TIMM23: variants seen among roughly 807,000 people sequenced by gnomAD.
The protein encoded by TIMM23 is translocase of inner mitochondrial membrane 23, also known as mitochondrial import inner membrane translocase subunit Tim23.
Under a neutral mutation model 30.7 loss-of-function variants are expected in TIMM23, and 19 were observed. That is an observed-to-expected ratio of 0.62 (90% CI 0.43 to 0.91). TIMM23 has a LOEUF of 0.91. TIMM23 is among the 40% of genes least tolerant of loss of function. The pLI is 0.00. For missense variants in TIMM23, 202 were observed against 269.2 expected, an observed-to-expected ratio of 0.75 and a Z score of 1.75; for synonymous variants, 78 against 98.5, an observed-to-expected ratio of 0.79 and a Z score of 1.23.
At chr10:45,977,882 T>G (rs1477066007) in intron 2 of TIMM23, among the ~76,000 whole-genome samples, 1 of 150,732 alleles carries the variant, frequency 6.6e-6, no homozygotes, top group Non-Finnish European at 1.5e-5. Flanking sequence ...AAAACAAAAA[T>G]TAGCCAGGCG....
At chr10:45,997,550 G>C (rs1020376978) in intron 6 of TIMM23, among the ~76,000 whole-genome samples, 55 of 152,268 alleles carry the variant, frequency 3.6e-4, no homozygotes, top group African/African-American at 1.2e-3. Context: ...CGTGGCTCAC[G>C]CCTGTAGTCT....
At chr10:45,973,628 T>C (rs1260673252) in intron 1 of TIMM23, among the ~76,000 whole-genome samples, 50 of 152,154 alleles carry the variant, frequency 3.3e-4, no homozygotes, top group African/African-American at 1.2e-3. Context: ...CAACACATGG[T>C]GTTTTGTTTC....
intron 2 of TIMM23, among the ~76,000 whole-genome samples, chr10:45,980,568 A>T (rs1468552494): frequency 4.6e-5 from 7 of 152,088 alleles, no homozygotes; most frequent in African/African-American, 1.7e-4. Context: ...TATTTTTAAC[A>T]TCCATAGTGT....
intron 6 of TIMM23, among the ~76,000 whole-genome samples, chr10:45,999,362 G>A (rs953971234): frequency 1.3e-5 from 2 of 152,090 alleles, no homozygotes; most frequent in Admixed American, 1.3e-4. Flanking sequence ...CGATAGTCGC[G>A]TACATTCTTT....
At chr10:45,993,244 C>CTTTGTTTTTTTTT (rs1838222164) in intron 6 of TIMM23, among the ~76,000 whole-genome samples, 1 of 72,062 alleles carries the variant, frequency 1.4e-5, no homozygotes, top group Non-Finnish European at 2.5e-5. Context: ...TCTACCATCA[C>CTTTGTTTTTTTTT]TTTTTTTTTT....
Position 45,975,565 on chromosome 10 carries a change from A to G in TIMM23, c.165+53A>G. On this transcript the variant is annotated intron_variant, in intron 2 of 6. Coordinates refer to ENST00000580018, the MANE Select transcript of TIMM23 (RefSeq NM_006327.4). ...GCATTATTTTACCATTTTAAAAAAA[A>G]CGCCAAGTGCTATGCTGACTTGAAC... is the stretch of plus-strand genomic sequence containing the variant. The G allele has an allele frequency of 1.9e-6, 3 of 1,610,440 alleles. No homozygotes were observed. In the South Asian group the frequency reaches 3.3e-5, roughly 18 times the overall value.
chr10:45,982,217 A>G (rs1837871937), intron 2 of TIMM23, among the ~76,000 whole-genome samples: 1 of 152,236 alleles, frequency 6.6e-6, no homozygotes, highest in Admixed American at 6.5e-5. Flanking sequence ...TTCTTCTCAT[A>G]GCTTTCAGTG....
Position 45,985,399 on chromosome 10 carries a change from A to T in TIMM23, c.361A>T (p.Thr121Ser). ...PRNVQILNMV[T>S]RQGALWANTL... ...CCCTGATAGGATTTTGAATATGGTG[A>T]CTAGGCAAGGGGCACTTTGGGCTAA... The change falls in exon 5 of 7, where the codon ACT (threonine) becomes TCT (serine). Residue 121 changes from threonine to serine, a missense_variant. Coordinates refer to ENST00000580018, the MANE Select transcript of TIMM23 (RefSeq NM_006327.4). 9 of 1,613,512 alleles carry T rather than the reference A, an allele frequency of 5.6e-6. No individual in the cohort carries two copies. Among genetic ancestry groups the T allele is most frequent in the South Asian group, 1.1e-5 (1 of 91,074 alleles).
At chr10:45,999,005 G>T in intron 6 of TIMM23, among the ~76,000 whole-genome samples, 1 of 151,938 alleles carries the variant, frequency 6.6e-6, no homozygotes, top group South Asian at 2.1e-4. Context: ...GCTAATTTGT[G>T]TATATTTAAT....
chr10:45,982,746 A>G (rs1220880203), intron 3 of TIMM23, 100 bp from the exon 4 acceptor site: 6 of 1,575,458 alleles, frequency 3.8e-6, no homozygotes, highest in Non-Finnish European at 5.2e-6. Flanking sequence ...TTTCTATTAA[A>G]TAAAAATGAA....
At chr10:45,975,593 T>C in intron 2 of TIMM23, 81 bp downstream of exon 2, 3 of 1,569,672 alleles carry the variant, frequency 1.9e-6, no homozygotes, top group South Asian at 1.1e-5. Flanking sequence ...ACTTGAACTA[T>C]GACATACACT....
At chr10:45,983,411 A>G (rs1484692147) in intron 4 of TIMM23, among the ~76,000 whole-genome samples, 4 of 152,262 alleles carry the variant, frequency 2.6e-5, no homozygotes, top group African/African-American at 9.6e-5. Flanking sequence ...TAAAATTTTT[A>G]GAATTAGAGT....
At chr10:45,996,223 A>G (rs1391749845) in intron 6 of TIMM23, among the ~76,000 whole-genome samples, 4 of 143,528 alleles carry the variant, frequency 2.8e-5, no homozygotes, top group Admixed American at 2.1e-4. Context: ...TTATCCGGGC[A>G]TGGTGGTGGG....
At chr10:45,976,847 A>G (rs1173324109) in intron 2 of TIMM23, among the ~76,000 whole-genome samples, 2 of 152,336 alleles carry the variant, frequency 1.3e-5, no homozygotes, top group African/African-American at 2.4e-5. Context: ...CTGTTTACAA[A>G]TGACATGATC....
rs1554915956 is a variant in TIMM23 at position 45,992,455 on chromosome 10, T to C, written c.514+3608T>C. The stretch of plus-strand genomic sequence containing the variant: ...ACATCTCAATATGCGTAGACTCTCC[T>C]TAGGAGAATTGTGAAACTTAACTCT... On this transcript the variant is annotated intron_variant, in intron 6 of 6. Coordinates refer to ENST00000580018, the MANE Select transcript of TIMM23 (RefSeq NM_006327.4). The C allele has an allele frequency of 2.9e-5, 13 of 455,956 alleles. 1 individual carries two copies. The highest frequency in any genetic ancestry group is 2.0e-4 in the South Asian group (13 of 64,510). The allele number at this position is 455,956 out of a possible 1,614,324, so 28.2% of individuals were successfully genotyped here.
chr10:45,980,673 C>A (rs1837814148), intron 2 of TIMM23, among the ~76,000 whole-genome samples: 1 of 152,122 alleles, frequency 6.6e-6, no homozygotes, highest in Non-Finnish European at 1.5e-5. Flanking sequence ...TGTCAGCAAG[C>A]TCTGGTACTT....
At chr10:45,992,891 T>C (rs1242664318) in intron 6 of TIMM23, among the ~76,000 whole-genome samples, 6 of 152,118 alleles carry the variant, frequency 3.9e-5, no homozygotes, top group African/African-American at 1.4e-4. Context: ...ATCTTCTCTG[T>C]AATTTGCTCC....
At chr10:45,979,606 CTT>C (rs1171770886) in intron 2 of TIMM23, among the ~76,000 whole-genome samples, 164 of 54,396 alleles carry the variant, frequency 3.0e-3, no homozygotes, top group African/African-American at 8.9e-3. Context: ...CATGCCTGGC[CTT>C]TTTTTTTTTT....
At chr10:45,987,524 A>C (rs1838024941) in intron 5 of TIMM23, among the ~76,000 whole-genome samples, 1 of 151,984 alleles carries the variant, frequency 6.6e-6, no homozygotes, top group Non-Finnish European at 1.5e-5. Flanking sequence ...AGGGTTTCCC[A>C]CAACCCACTC....
Sources: allele counts gnomAD v4.1 joint callset (sites outside exome capture counted in the v4.1 genomes callset), GRCh38; gene constraint gnomAD v4.1.1; transcripts MANE v1.5; gene names NCBI Gene and HGNC (gene_info 2026-07-23, HGNC 2026-07-21).